ZMAT4: variants seen among roughly 807,000 people sequenced by gnomAD.
The protein encoded by ZMAT4 is zinc finger matrin-type 4, also known as zinc finger matrin-type protein 4.
In ZMAT4, 17 loss-of-function variants were observed where a neutral mutation model predicts 28.7. The ratio of observed to expected loss-of-function variants is 0.59; its 90% confidence interval spans 0.41 to 0.89. The LOEUF is 0.89. ZMAT4 is among the 40% of genes least tolerant of loss of function. The pLI is 0.00. For missense variants in ZMAT4, 240 were observed against 283.8 expected, an observed-to-expected ratio of 0.85 and a Z score of 1.11; for synonymous variants, 117 against 109.2, an observed-to-expected ratio of 1.07 and a Z score of -0.44.
At chr8:40,614,777 G>C (rs1805935439) in intron 5 of ZMAT4, among the ~76,000 whole-genome samples, 1 of 152,102 alleles carries the variant, frequency 6.6e-6, no homozygotes. Flanking sequence ...CCATTTGCTT[G>C]GTAGATCTTC....
At chr8:40,839,414 AG>A (rs1816615577) in intron 1 of ZMAT4, among the ~76,000 whole-genome samples, 2 of 152,248 alleles carry the variant, frequency 1.3e-5, no homozygotes, top group Admixed American at 1.3e-4. Context: ...CAAATTGGAA[AG>A]TACATTTAAG....
intron 5 of ZMAT4, among the ~76,000 whole-genome samples, chr8:40,619,283 C>CCT (rs1401949018): frequency 1.3e-5 from 2 of 152,162 alleles, no homozygotes; most frequent in Admixed American, 1.3e-4. Flanking sequence ...ACAGGATCAG[C>CCT]CTCTTTTATG....
intron 1 of ZMAT4, among the ~76,000 whole-genome samples, chr8:40,885,723 A>G (rs1310738647): frequency 6.6e-6 from 1 of 152,172 alleles, no homozygotes; most frequent in Non-Finnish European, 1.5e-5. Flanking sequence ...CCTCGCTGCT[A>G]TTCCTGGCAC....
At chr8:40,651,953 A>G in intron 5 of ZMAT4, among the ~76,000 whole-genome samples, 2 of 117,386 alleles carry the variant, frequency 1.7e-5, no homozygotes, top group African/African-American at 3.0e-5. Flanking sequence ...AAAGACTTAA[A>G]TGTTAGACCT....
chr8:40,594,404 A>G (rs776593162), intron 5 of ZMAT4, among the ~76,000 whole-genome samples: 1 of 152,238 alleles, frequency 6.6e-6, no homozygotes, highest in African/African-American at 2.4e-5. Context: ...AAATATATTG[A>G]GGCCTGAAGA....
intron 1 of ZMAT4, among the ~76,000 whole-genome samples, chr8:40,844,499 T>C (rs1816811471): frequency 6.6e-6 from 1 of 152,198 alleles, no homozygotes; most frequent in Non-Finnish European, 1.5e-5. Context: ...ATTACATGAC[T>C]AGCTTTCCTG....
At position 40,674,821 on chromosome 8, in the gene ZMAT4, A is replaced by G; in HGVS notation, c.460T>C (p.Phe154Leu). The G allele has an allele frequency of 6.2e-7, 1 of 1,613,906 alleles. No homozygotes were observed. The highest frequency in any genetic ancestry group is 8.5e-7 in the Non-Finnish European group (1 of 1,179,930). ...DRYCGLCAAW[F>L]NNPLMAQQHY... ...TGCTGGGCCATCAGAGGGTTATTAA[A>G]CCAGGCTGCACAGAGCCCACAGTAT... Residue 154 changes from phenylalanine (F) to leucine (L), a missense_variant, in exon 5 of 7, where the codon TTT becomes CTT. Physicochemically the swap from Phe to Leu is conservative, Grantham distance 22 (BLOSUM62 0). Transcript: ENST00000297737.
Position 40,714,224 on chromosome 8 carries a change from T to C in ZMAT4, c.193-16823A>G, listed in dbSNP as rs147210150. The stretch of plus-strand genomic sequence containing the variant: ...GGTACACTCTTCTTGACCCAGAAAG[T>C]TAATTTCTGGAAATTTATTCTAGGA... On this transcript the variant is annotated intron_variant, in intron 3 of 6. Transcript: ENST00000297737. Among the ~76,000 whole-genome samples the C allele has an allele frequency of 1.7e-3, 263 of 152,272 alleles. 1 individual carries two copies. Among genetic ancestry groups the C allele is most frequent in the African/African-American group, 6.0e-3 (250 of 41,556 alleles).
chr8:40,585,334 TTTCTCAAG>T (rs1804631426), intron 5 of ZMAT4, among the ~76,000 whole-genome samples: 13 of 152,208 alleles, frequency 8.5e-5, no homozygotes, highest in South Asian at 4.1e-4. Context: ...TGAAACCTAT[TTTCTCAAG>T]CAGTGACTCC....
intron 1 of ZMAT4, among the ~76,000 whole-genome samples, chr8:40,826,896 C>T (rs977879517): frequency 2.0e-5 from 3 of 152,158 alleles, no homozygotes; most frequent in Non-Finnish European, 4.4e-5. Context: ...CATCCGATTC[C>T]TTCACCCAGC....
At chr8:40,667,853 A>AAC (rs1808494115) in intron 5 of ZMAT4, among the ~76,000 whole-genome samples, 1 of 100,666 alleles carries the variant, frequency 9.9e-6, no homozygotes, top group Non-Finnish European at 2.2e-5. Context: ...AAAAAACAAC[A>AAC]AAAAAAAAAA....
At chr8:40,539,707 C>A (rs1802965264) in intron 6 of ZMAT4, among the ~76,000 whole-genome samples, 2 of 152,176 alleles carry the variant, frequency 1.3e-5, no homozygotes. Flanking sequence ...TGTTTCCTTA[C>A]TCTTAGTTAC....
chr8:40,851,535 G>A (rs573637345), intron 1 of ZMAT4, among the ~76,000 whole-genome samples: 1 of 152,228 alleles, frequency 6.6e-6, no homozygotes, highest in African/African-American at 2.4e-5. Context: ...TTAACACTGG[G>A]GAAAACCGAG....
chr8:40,789,483 C>T (rs1043715505), intron 2 of ZMAT4, among the ~76,000 whole-genome samples: 2 of 152,008 alleles, frequency 1.3e-5, no homozygotes, highest in Non-Finnish European at 2.9e-5. Flanking sequence ...TATATAAAAA[C>T]AAAAATTAGA....
chr8:40,708,977 A>T (rs1396290757), intron 3 of ZMAT4, among the ~76,000 whole-genome samples: 1 of 151,250 alleles, frequency 6.6e-6, no homozygotes, highest in African/African-American at 2.4e-5. Context: ...AATTGAGAAA[A>T]CTCTCCTACA....
At chr8:40,696,034 ATGCAACATTTAAG>A (rs1047519045) in intron 4 of ZMAT4, among the ~76,000 whole-genome samples, 3 of 152,054 alleles carry the variant, frequency 2.0e-5, no homozygotes, top group Non-Finnish European at 2.9e-5. Context: ...CAAGGTGAAT[ATGCAACATTTAAG>A]GGAGCAAGAA....
At chr8:40,694,194 G>T (rs1371078430) in intron 4 of ZMAT4, among the ~76,000 whole-genome samples, 1 of 152,148 alleles carries the variant, frequency 6.6e-6, no homozygotes, top group African/African-American at 2.4e-5. Flanking sequence ...GCTGCTGCTG[G>T]GTGTGGCTGC....
chr8:40,846,836 G>A (rs1816920162), intron 1 of ZMAT4, among the ~76,000 whole-genome samples: 1 of 152,114 alleles, frequency 6.6e-6, no homozygotes, highest in South Asian at 2.1e-4. Flanking sequence ...TCATTTTATA[G>A]GGAACACTAA....
intron 5 of ZMAT4, among the ~76,000 whole-genome samples, chr8:40,591,060 T>A (rs1312233570): frequency 6.6e-6 from 1 of 151,622 alleles, no homozygotes; most frequent in East Asian, 2.0e-4. Flanking sequence ...TGGTGAGGAG[T>A]GGGGTGCTAG....
Sources: allele counts gnomAD v4.1 joint callset (sites outside exome capture counted in the v4.1 genomes callset), GRCh38; gene constraint gnomAD v4.1.1; transcripts MANE v1.5; gene names NCBI Gene and HGNC (gene_info 2026-07-23, HGNC 2026-07-21).